ZNF227: variants seen among roughly 807,000 people sequenced by gnomAD.
ZNF227 encodes the protein zinc finger protein 227.
A neutral mutation model predicts 13.2 loss-of-function variants in ZNF227; 12 were observed. The ratio of observed to expected loss-of-function variants is 0.91; its 90% confidence interval spans 0.58 to 1.47. The LOEUF (loss-of-function observed/expected upper bound fraction) is 1.47. Ranked by LOEUF, ZNF227 falls within the 40% of genes most tolerant of loss-of-function variation. The pLI, the probability that ZNF227 is intolerant of heterozygous loss-of-function variation, is 0.00. For synonymous variants in ZNF227, 338 were observed against 326.0 expected (o/e 1.04, Z -0.40); for missense variants, 885 against 967.5 (o/e 0.91, Z 1.13).
chr19:44,217,941 G>A, intron 3 of ZNF227, 89 bp downstream of exon 3: 6 of 1,470,642 alleles, frequency 4.1e-6, no homozygotes, highest in Non-Finnish European at 5.7e-6. Flanking sequence ...GGAAAGGTTA[G>A]TGGGAAACAG....
Position 44,236,734 on chromosome 19 carries a change from A to G in ZNF227, c.2304A>G (p.Gly768=). Residue 768 remains glycine, a synonymous_variant, in exon 6 of 6, where the codon GGA becomes GGG. Transcript: ENST00000313040. ...RLEAHQRVHT[G]EKPYKCDICD... ...AAGCCCATCAGAGAGTCCACACTGG[A>G]GAAAAACCATACAAATGTGACATAT... 2 of 1,614,214 alleles carry G rather than the reference A, an allele frequency of 1.2e-6. No individual in the cohort carries two copies. The highest frequency in any genetic ancestry group is 1.7e-6 in the Non-Finnish European group (2 of 1,180,018).
intron 5 of ZNF227, among the ~76,000 whole-genome samples, chr19:44,233,247 A>C (rs374724067): frequency 1.3e-5 from 2 of 152,162 alleles, no homozygotes; most frequent in East Asian, 1.9e-4. Context: ...ATAATTTTAC[A>C]TCTTGACTAA....
At position 44,234,995 on chromosome 19, in the gene ZNF227, C is replaced by A. The variant is rs1332269039; in HGVS notation, c.565C>A (p.Gln189Lys). The A allele has an allele frequency of 1.2e-6, 2 of 1,613,976 alleles. No individual in the cohort carries two copies. Among genetic ancestry groups the A allele is most frequent in the Non-Finnish European group, 1.7e-6 (2 of 1,180,026 alleles). Residue 189 changes from glutamine (Q) to lysine (K), a missense_variant, in exon 6 of 6, where the codon CAG becomes AAG. By Grantham distance (53) the Gln-to-Lys change is moderately conservative. Coordinates refer to ENST00000313040, the MANE Select transcript of ZNF227 (RefSeq NM_182490.3). ...GNTYLSESQI[Q>K]SRGKQIDVKN... ...TACATATCTGAGTGAGTCACAGATT[C>A]AGAGTAGAGGTAAGCAAATTGATGT...
intron 3 of ZNF227, among the ~76,000 whole-genome samples, chr19:44,220,602 G>A (rs1417134236): frequency 1.3e-5 from 2 of 152,076 alleles, no homozygotes; most frequent in Non-Finnish European, 2.9e-5. Flanking sequence ...CTGCAGACTG[G>A]AGATGACAGT....
chr19:44,209,063 AC>A (rs1971278896), upstream of ZNF227, among the ~76,000 whole-genome samples: 1 of 152,086 alleles, frequency 6.6e-6, no homozygotes, highest in Non-Finnish European at 1.5e-5. Context: ...TGACAGCGAG[AC>A]CCCGTTCCTT....
intron 3 of ZNF227, among the ~76,000 whole-genome samples, chr19:44,219,335 C>G (rs1035199057): frequency 6.6e-6 from 1 of 152,106 alleles, no homozygotes; most frequent in African/African-American, 2.4e-5. Context: ...TTAAATTTCC[C>G]TACAGCAAAA....
chr19:44,228,271 A>G (rs1973393105), intron 3 of ZNF227, 175 bp from the exon 4 acceptor site: 1 of 613,832 alleles, frequency 1.6e-6, no homozygotes, highest in South Asian at 2.9e-5. Context: ...TACAGGCTTT[A>G]TGGGGATGAG....
At position 44,235,180 on chromosome 19, in the gene ZNF227, T is replaced by A; in HGVS notation, c.750T>A (p.His250Gln). 1.2e-6 allele frequency: 2 copies of A among 1,614,072 alleles called. No homozygotes were observed. The highest frequency in any genetic ancestry group is 1.7e-6 in the Non-Finnish European group (2 of 1,180,020). ...AATTACCCTTAGGAGAGAAACCCCATCCATGTGGTGAGTGTGGAAGGGGCT... is the reference window on the plus strand; with the variant it reads ...AATTACCCTTAGGAGAGAAACCCCAACCATGTGGTGAGTGTGGAAGGGGCT... ...NQKLPLGEKPHPCGECGRGFS... is the reference protein window; with the variant it reads ...NQKLPLGEKPQPCGECGRGFS... Residue 250 changes from histidine (H) to glutamine (Q), a missense_variant, in exon 6 of 6, where the codon CAT (histidine) becomes CAA (glutamine). Physicochemically the swap from His to Gln is conservative, Grantham distance 24. Transcript: ENST00000313040.
intron 4 of ZNF227, 45 bp from the exon 5 acceptor site, chr19:44,229,688 A>C: frequency 1.5e-6 from 2 of 1,372,986 alleles, no homozygotes; most frequent in Admixed American, 4.0e-5. Context: ...AATGTGTTTT[A>C]GTTGTGTGTT....
At position 44,235,201 on chromosome 19, in the gene ZNF227, G is replaced by A. The variant is rs1974305998; in HGVS notation, c.771G>A (p.Arg257=). Residue 257 remains arginine, a synonymous_variant, in exon 6 of 6, where the codon AGG becomes AGA. Coordinates refer to ENST00000313040, the MANE Select transcript of ZNF227 (RefSeq NM_182490.3). ...CCCATCCATGTGGTGAGTGTGGAAG[G>A]GGCTTCAGTTATAGCCCAAGGCTTC... ...EKPHPCGECG[R]GFSYSPRLPL... 4 of 1,613,826 alleles carry A rather than the reference G, an allele frequency of 2.5e-6. No homozygotes were observed. The highest frequency in any genetic ancestry group is 2.7e-5 in the African/African-American group (2 of 74,848).
In ZNF227 at chr19:44,236,193, G is replaced by C. The variant is rs762854690; in HGVS notation, c.1763G>C (p.Arg588Thr). The C allele has an allele frequency of 5.6e-6, 9 of 1,613,938 alleles. No individual in the cohort carries two copies. In the Admixed American group the frequency reaches 1.5e-4, roughly 27 times the overall value. ...GAATGTGGGAAGGGCTTCAGTTGGA[G>C]ATCAAATCTTCATGCACATCAAAGA... ...CEECGKGFSW[R>T]SNLHAHQRVH... Residue 588 changes from arginine to threonine, a missense_variant, in exon 6 of 6, where the codon AGA becomes ACA. By Grantham distance (71) the Arg-to-Thr change is moderately conservative. Transcript: ENST00000313040.
Position 44,236,479 on chromosome 19 carries a change from T to G in ZNF227, c.2049T>G (p.Thr683=). Residue 683 remains threonine, a synonymous_variant, in exon 6 of 6, where the codon ACT becomes ACG. Transcript: ENST00000313040. ...SQFIYHQRGH[T]GEKPYKCEEC... ...TTATATACCATCAGAGAGGCCACAC[T>G]GGAGAAAAACCTTACAAATGTGAAG... The G allele has an allele frequency of 6.2e-7, 1 of 1,613,968 alleles. No individual in the cohort carries two copies. Among genetic ancestry groups the G allele is most frequent in the Non-Finnish European group, 8.5e-7 (1 of 1,180,012 alleles).
chr19:44,236,814 C>G lies in ZNF227; in HGVS notation c.2384C>G (p.Thr795Ser). 6.4e-7 allele frequency: 1 copy of G among 1,573,270 alleles called. No homozygotes were observed. The change falls in exon 6 of 6, where the codon ACT becomes AGT. Residue 795 changes from threonine (T) to serine (S), a missense_variant. By Grantham distance (58) the Thr-to-Ser change is moderately conservative (BLOSUM62 1). Coordinates refer to ENST00000313040, the MANE Select transcript of ZNF227 (RefSeq NM_182490.3). ...CTTACATATCATCAGAAAGTCCATA[C>G]TGGTAAAAAGCTTTAGAAATGAGAA... ...SRLTYHQKVHTGKKL is the reference protein window; with the variant it reads ...SRLTYHQKVHSGKKL
At chr19:44,209,539 T>G (rs1206181919), upstream of ZNF227, among the ~76,000 whole-genome samples, 2 of 152,168 alleles carry the variant, frequency 1.3e-5, no homozygotes. Flanking sequence ...GCTTCTTTAT[T>G]TGGAATGTTT....
chr19:44,229,591 G>A (rs962993051), intron 4 of ZNF227, 142 bp from the exon 5 acceptor site: 15 of 388,202 alleles, frequency 3.9e-5, no homozygotes, highest in South Asian at 1.9e-4. Context: ...CAGCCTGGGC[G>A]ATAGAGTGAG....
intron 3 of ZNF227, among the ~76,000 whole-genome samples, chr19:44,225,287 T>C (rs1313799003): frequency 6.6e-6 from 1 of 152,104 alleles, no homozygotes; most frequent in Non-Finnish European, 1.5e-5. Flanking sequence ...TGGCGTTCTC[T>C]GTATTTCCTG....
intron 3 of ZNF227, among the ~76,000 whole-genome samples, chr19:44,221,953 A>C (rs1372965616): frequency 2.0e-5 from 3 of 152,218 alleles, no homozygotes; most frequent in African/African-American, 7.2e-5. Flanking sequence ...AGTGTAAGGA[A>C]GGGATCCAGT....
chr19:44,219,261 C>A (rs113237834), intron 3 of ZNF227, among the ~76,000 whole-genome samples: 3 of 134,454 alleles, frequency 2.2e-5, no homozygotes, highest in African/African-American at 9.8e-5. Flanking sequence ...TGTCTCTTCT[C>A]TAGTTTTGTC....
intron 3 of ZNF227, among the ~76,000 whole-genome samples, chr19:44,223,733 T>G (rs1972799534): frequency 6.6e-6 from 1 of 152,134 alleles, no homozygotes; most frequent in Admixed American, 6.5e-5. Flanking sequence ...ATTCATTAAT[T>G]TTTTGAAGGG....
Sources: gnomAD v4.1 joint callset for allele counts (sites outside exome capture counted in the v4.1 genomes callset) on GRCh38, gnomAD v4.1.1 for gene constraint, MANE v1.5 for transcripts, NCBI Gene and HGNC (gene_info 2026-07-23, HGNC 2026-07-21) for gene names.